Variants in DIMT1 observed in about 807,000 individuals in gnomAD.
DIMT1 encodes the protein dimethyladenosine transferase.
A neutral mutation model predicts 43.2 loss-of-function variants in DIMT1; 36 were observed. The ratio of observed to expected loss-of-function variants is 0.83; its 90% CI spans 0.64 to 1.10. The LOEUF (loss-of-function observed/expected upper bound fraction) is 1.10. Ranked by LOEUF, DIMT1 falls within the 50% of genes least tolerant of loss-of-function variation. The pLI, the probability that DIMT1 is intolerant of heterozygous loss-of-function variation, is 0.00. For synonymous variants in DIMT1, 126 were observed against 130.3 expected (o/e 0.97, Z 0.22); for missense variants, 341 against 385.3 (o/e 0.88, Z 0.96).
chr5:62,392,128 A>G (rs948054208), intron 10 of DIMT1, 43 bp downstream of exon 10: 1 of 1,607,170 alleles, frequency 6.2e-7, no homozygotes. Flanking sequence ...ACATTTTAAA[A>G]GAAAACAAAT....
rs1742283412 is a variant in DIMT1, at chr5:62,390,937, G to C, written c.838C>G (p.Leu280Val). ...TTGTCACTAAAACCTGTGCTGGTTA[G>C]GATTTGCTGTATTTTATCTGCTATG... is the stretch of plus-strand genomic sequence containing the variant. ...FSIADKIQQI[L>V]TSTGFSDKRA... The change falls in exon 11 of 12, where the codon CTA becomes GTA. Residue 280 changes from leucine to valine, a missense_variant. Coordinates refer to ENST00000199320, the MANE Select transcript of DIMT1 (RefSeq NM_014473.4). The C allele has an allele frequency of 1.2e-6, 2 of 1,612,590 alleles. No individual in the cohort carries two copies. The highest frequency in any genetic ancestry group is 1.7e-6 in the Non-Finnish European group (2 of 1,179,892).
rs1039998527 is a variant in DIMT1 at position 62,388,759 on chromosome 5, G to A, written c.*251C>T. ...AGAAATGATAAGTGTAAAGTTGTGC[G>A]TCTCTGCGGCTCCTGAACTTGAAGA... On this transcript the variant is annotated 3_prime_UTR_variant, in exon 12 of 12. Transcript: ENST00000199320. 3.6e-5 allele frequency: 18 copies of A among 500,064 alleles called. No homozygotes were observed. Among genetic ancestry groups the A allele is most frequent in the African/African-American group, 1.6e-4 (8 of 51,248 alleles). The allele number at this position is 500,064 out of a possible 1,614,324, so 31.0% of individuals were successfully genotyped here. A position where few individuals can be genotyped will look rare whatever the true frequency, so the allele number is the denominator to read the frequency against.
In DIMT1 at chr5:62,403,580, A is replaced by T. The variant is rs983633647; in HGVS notation, c.79+114T>A. On this transcript the variant is annotated intron_variant, in intron 1 of 11. Coordinates refer to ENST00000199320, the MANE Select transcript of DIMT1 (RefSeq NM_014473.4). ...GGACCCACCCCTGCCTTCCGCGCTC[A>T]CGGGAGCGCGTCCTGACCGGCCTCT... 1.5e-5 allele frequency: 19 copies of T among 1,296,044 alleles called. No homozygotes were observed. The Admixed American group carries it at 4.2e-4, about 29-fold the overall frequency. The allele number at this position is 1,296,044 out of a possible 1,614,324, so 80.3% of individuals were successfully genotyped here.
intron 3 of DIMT1, among the ~76,000 whole-genome samples, chr5:62,399,435 C>A (rs1295692145): frequency 6.6e-6 from 1 of 151,356 alleles, no homozygotes; most frequent in Non-Finnish European, 1.5e-5. Context: ...CATTGCACTC[C>A]AGCTTGGGCA....
rs562833944 is a variant in DIMT1, at chr5:62,388,390, C to G, written c.*620G>C. The G allele has an allele frequency of 6.6e-6, 1 of 152,192 alleles. No homozygotes were observed. The highest frequency in any genetic ancestry group is 2.4e-5 in the African/African-American group (1 of 41,420). The allele number at this position is 152,192 out of a possible 1,614,324, so 9.4% of individuals were successfully genotyped here. A position where few individuals can be genotyped will look rare whatever the true frequency, so the allele number is the denominator to read the frequency against. ...GCCCTTTAATATGCCTGGCACTGCA[C>G]GGTGGCAGTAGCAGACTTGGGCTTA... On this transcript the variant is annotated 3_prime_UTR_variant, in exon 12 of 12. Transcript: ENST00000199320.
chr5:62,402,055 A>T lies in DIMT1; in HGVS notation c.221T>A (p.Leu74Ter). The T allele has an allele frequency of 6.2e-7, 1 of 1,613,802 alleles. No homozygotes were observed. The highest frequency in any genetic ancestry group is 8.5e-7 in the Non-Finnish European group (1 of 1,179,916). ...TTCTACCTTTTTTGCCTTTTCTAACAACTTTACAGTCATGTTGCCAGTTCC... is the reference window on the plus strand; with the variant it reads ...TTCTACCTTTTTTGCCTTTTCTAACTACTTTACAGTCATGTTGCCAGTTCC... ...GPGTGNMTVK[L>*]LEKAKKVVAC... Residue 74 changes from leucine (L) to a stop codon, truncating the protein, a stop_gained, in exon 3 of 12, where the codon TTG becomes TAG. Coordinates refer to ENST00000199320, the MANE Select transcript of DIMT1 (RefSeq NM_014473.4). LOFTEE classifies it high-confidence loss of function.
intron 9 of DIMT1, chr5:62,392,679 T>C (rs913982940): frequency 1.5e-5 from 6 of 405,320 alleles, no homozygotes; most frequent in South Asian, 5.0e-5. Flanking sequence ...AGAGCAGATA[T>C]ATGGTCAGAG....
chr5:62,397,817 T>C (rs1193284128), intron 6 of DIMT1, among the ~76,000 whole-genome samples: 2 of 152,074 alleles, frequency 1.3e-5, no homozygotes, highest in African/African-American at 4.8e-5. Context: ...CCCGGCTAGT[T>C]TTTTGTATTT....
rs1287818357 is a variant in DIMT1 at position 62,394,506 on chromosome 5, G to A, written c.548C>T (p.Ala183Val). Residue 183 changes from alanine (A) to valine (V), a missense_variant, in exon 7 of 12, where the codon GCA becomes GTA. Coordinates refer to ENST00000199320, the MANE Select transcript of DIMT1 (RefSeq NM_014473.4). ...TACTTTCATTAGATGGTCCACACGTGCCAACAGCTGTGTATTAATTGAGAG... is the reference window on the plus strand; with the variant it reads ...TACTTTCATTAGATGGTCCACACGTACCAACAGCTGTGTATTAATTGAGAG... ...CRLSINTQLLARVDHLMKVGK... is the reference protein window; with the variant it reads ...CRLSINTQLLVRVDHLMKVGK... The A allele has an allele frequency of 5.0e-6, 8 of 1,614,180 alleles. No individual in the cohort carries two copies. The highest frequency in any genetic ancestry group is 5.9e-6 in the Non-Finnish European group (7 of 1,180,028).
intron 2 of DIMT1, 32 bp from the exon 3 acceptor site, chr5:62,402,154 T>G: frequency 3.7e-6 from 6 of 1,607,062 alleles, no homozygotes; most frequent in Non-Finnish European, 5.1e-6. Context: ...TTAGCTCTTC[T>G]GGCAACATCA....
In DIMT1 at chr5:62,398,521, G is replaced by A. The variant is rs1365221044; in HGVS notation, c.436C>T (p.Pro146Ser). The A allele has an allele frequency of 6.2e-7, 1 of 1,612,488 alleles. No individual in the cohort carries two copies. The highest frequency in any genetic ancestry group is 1.3e-5 in the African/African-American group (1 of 75,042). ...PFVFKLLLHR[P>S]FFRCAILMFQ... ...TCTTTTGTCACAAACCTGAAAAAAG[G>A]TCGATGTAGCAACAGCTTGAAGACA... Residue 146 changes from proline (P) to serine (S), a missense_variant, in exon 6 of 12, where the codon CCT becomes TCT. Coordinates refer to ENST00000199320, the MANE Select transcript of DIMT1 (RefSeq NM_014473.4).
At position 62,392,095 on chromosome 5, in the gene DIMT1, T is replaced by C; in HGVS notation, c.792+76A>G. 2.5e-6 allele frequency: 4 copies of C among 1,605,456 alleles called. No homozygotes were observed. In the South Asian group the frequency reaches 3.3e-5, roughly 13 times the overall value. On this transcript the variant is annotated intron_variant, in intron 10 of 11. Coordinates refer to ENST00000199320, the MANE Select transcript of DIMT1 (RefSeq NM_014473.4). ...TGGAATGTACAAAATAATCTCATGCTAGATCAACAAGAATAAAAATGGACA... is the reference window on the plus strand; with the variant it reads ...TGGAATGTACAAAATAATCTCATGCCAGATCAACAAGAATAAAAATGGACA...
chr5:62,391,806 G>C, intron 10 of DIMT1: 1 of 1,410,780 alleles, frequency 7.1e-7, no homozygotes, highest in Non-Finnish European at 9.2e-7. Context: ...CAAGAAACAA[G>C]ACGTGGTCAC....
chr5:62,389,945 A>G (rs1415900421), intron 11 of DIMT1, among the ~76,000 whole-genome samples: 1 of 152,232 alleles, frequency 6.6e-6, no homozygotes, highest in Non-Finnish European at 1.5e-5. Context: ...ATAAATTTCT[A>G]AAAAAGCAAA....
chr5:62,402,154 T>C, intron 2 of DIMT1, 32 bp from the exon 3 acceptor site: 1 of 1,607,062 alleles, frequency 6.2e-7, no homozygotes, highest in Non-Finnish European at 8.5e-7. Context: ...TTAGCTCTTC[T>C]GGCAACATCA....
At position 62,398,731 on chromosome 5, in the gene DIMT1, G is replaced by A. The variant is rs1443496871; in HGVS notation, c.311C>T (p.Ala104Val). The change falls in exon 5 of 12, where the codon GCC becomes GTC. Residue 104 changes from alanine (A) to valine (V), a missense_variant. Ala to Val is a moderately conservative substitution (Grantham distance 64). Coordinates refer to ENST00000199320, the MANE Select transcript of DIMT1 (RefSeq NM_014473.4). Reference protein sequence around the residue: ...LHKRVQGTPVASKLQVLVGDV... With the variant: ...LHKRVQGTPVVSKLQVLVGDV... ...ACCCACCAGTACTTGAAGTTTGCTGGCCACAGGCCTGATGAGAAAAGAAGA... is the reference window on the plus strand; with the variant it reads ...ACCCACCAGTACTTGAAGTTTGCTGACCACAGGCCTGATGAGAAAAGAAGA... 2 of 1,614,154 alleles carry A rather than the reference G, an allele frequency of 1.2e-6. No homozygotes were observed. The highest frequency in any genetic ancestry group is 2.2e-5 in the South Asian group (2 of 91,070).
chr5:62,394,149 G>A, intron 7 of DIMT1, 102 bp from the exon 8 acceptor site: 1 of 1,070,180 alleles, frequency 9.3e-7, no homozygotes, highest in Non-Finnish European at 1.4e-6. Context: ...GCTCAAGGAT[G>A]AATTAAGCTA....
chr5:62,400,938 A>G (rs1742679610), intron 3 of DIMT1, among the ~76,000 whole-genome samples: 1 of 150,690 alleles, frequency 6.6e-6, no homozygotes, highest in Admixed American at 6.6e-5. Context: ...TTTTGTAGAG[A>G]TGGGGTTTCA....
chr5:62,392,267 ATTCCAAAGTCAGAGTAATTTCT>A, intron 9 of DIMT1, 33 bp from the exon 10 acceptor site: 2 of 1,585,008 alleles, frequency 1.3e-6, no homozygotes, highest in Non-Finnish European at 8.6e-7. Flanking sequence ...CACTGTTATT[ATTCCAAAGTCAGAGTAATTTCT>A]TACTTTTTTA....
Sources: allele counts gnomAD v4.1 joint callset (sites outside exome capture counted in the v4.1 genomes callset), GRCh38; gene constraint gnomAD v4.1.1; transcripts MANE v1.5; gene names NCBI Gene and HGNC (gene_info 2026-07-23, HGNC 2026-07-21).